Variants in PSMF1 observed in about 807,000 individuals in gnomAD.
PSMF1 encodes the protein proteasome inhibitor subunit 1, also known as proteasome inhibitor PI31 subunit.
In PSMF1, 30 loss-of-function variants were observed where a neutral mutation model predicts 29.3. The ratio of observed to expected loss-of-function variants is 1.02; its 90% CI spans 0.77 to 1.39. The LOEUF is 1.39. Ranked by LOEUF, PSMF1 falls within the 40% of genes most tolerant of loss-of-function variation. The probability of loss-of-function intolerance (pLI) is 0.00; values close to 1 mark genes in which losing one functional copy is unlikely to be tolerated. For synonymous variants in PSMF1, 134 were observed against 139.7 expected, an observed-to-expected ratio of 0.96 and a Z score of 0.29; for missense variants, 344 against 357.5, an observed-to-expected ratio of 0.96 and a Z score of 0.31.
At chr20:1,116,854 G>A (rs1470141182), upstream of PSMF1, among the ~76,000 whole-genome samples, 1 of 152,100 alleles carries the variant, frequency 6.6e-6, no homozygotes, top group Non-Finnish European at 1.5e-5. Flanking sequence ...GCCCTCTGTT[G>A]AGGATGGTAG....
At chr20:1,137,378 T>A (rs2086320408) in intron 4 of PSMF1, among the ~76,000 whole-genome samples, 1 of 152,194 alleles carries the variant, frequency 6.6e-6, no homozygotes, top group South Asian at 2.1e-4. Context: ...ATCTGGCGAG[T>A]AGCATCTGAA....
rs139965836 is a variant in PSMF1, at chr20:1,131,069, C to T, written c.365+3561C>T. ...AAGGGGGAAGTGAGCCAGGCCTGGC[C>T]GGCAGAATGCCGCGCCTCTGGGTGT... On this transcript the variant is annotated intron_variant, in intron 3 of 6. Coordinates refer to ENST00000335877, the MANE Select transcript of PSMF1 (RefSeq NM_006814.5). Among the ~76,000 whole-genome samples the T allele has an allele frequency of 3.5e-3, 534 of 152,298 alleles. 11 individuals carry two copies. The East Asian group carries it at 0.054, about 15-fold the overall frequency.
chr20:1,133,569 A>ATATATATATATTTTTTTTTTTTTTTTTTT, intron 3 of PSMF1, among the ~76,000 whole-genome samples: 1 of 53,288 alleles, frequency 1.9e-5, no homozygotes, highest in Non-Finnish European at 4.6e-5. Flanking sequence ...ATATATATAT[A>ATATATATATATTTTTTTTTTTTTTTTTTT]TTTTTTTTTT....
chr20:1,127,638 C>T, intron 3 of PSMF1, 130 bp downstream of exon 3: 1 of 740,700 alleles, frequency 1.4e-6, no homozygotes. Context: ...CTGGGCACAA[C>T]TTCCTAATTT....
Position 1,164,639 on chromosome 20 carries a change from T to G in PSMF1, c.764+163T>G, listed in dbSNP as rs2086706689. On this transcript the variant is annotated intron_variant, in intron 6 of 6. Coordinates refer to ENST00000335877, the MANE Select transcript of PSMF1 (RefSeq NM_006814.5). This position sits in a 1 kb window ranked among gnomAD's most constrained non-coding sequence, Gnocchi z 4.1. ...TCCAGGGCCCTGCCTGATTTCTCCC[T>G]GGAGCCTTCTAGGAGCTTCCTATCC... 4.0e-6 allele frequency: 2 copies of G among 505,766 alleles called. No individual in the cohort carries two copies. Among genetic ancestry groups the G allele is most frequent in the Non-Finnish European group, 5.1e-6 (2 of 391,646 alleles). 31.3% of individuals were successfully genotyped at this position (505,766 alleles called of 1,614,324 possible).
rs147968241 is a variant in PSMF1 at position 1,132,801 on chromosome 20, T to C, written c.366-2320T>C. Among the ~76,000 whole-genome samples, 787 of 152,288 alleles carry C rather than the reference T, an allele frequency of 5.2e-3. 10 individuals carry two copies. Among genetic ancestry groups the C allele is most frequent in the African/African-American group, 0.018 (744 of 41,556 alleles). On this transcript the variant is annotated intron_variant, in intron 3 of 6. Coordinates refer to ENST00000335877, the MANE Select transcript of PSMF1 (RefSeq NM_006814.5). The stretch of plus-strand genomic sequence containing the variant: ...TCAACATATAGATCCTGTACATAGC[T>C]TGTTATTTGTTTAAAGCAGAAAGGG...
Position 1,166,320 on chromosome 20 carries a change from G to T in PSMF1, c.*1240G>T, listed in dbSNP as rs757197798. ...AGGCTAAGAGGCACGAGATCAAGGC[G>T]GTAGTCACTTCCGCTCTGCAGCTAG... is the stretch of plus-strand genomic sequence containing the variant. On this transcript the variant is annotated 3_prime_UTR_variant, in exon 7 of 7. Transcript: ENST00000335877. 4 of 1,503,902 alleles carry T rather than the reference G, an allele frequency of 2.7e-6. No homozygotes were observed. The South Asian group carries it at 3.5e-5, about 13-fold the overall frequency. 93.2% of individuals were successfully genotyped at this position (1,503,902 alleles called of 1,614,324 possible). A position where few individuals can be genotyped will look rare whatever the true frequency, so the allele number is the denominator to read the frequency against.
chr20:1,169,029 G>C lies in PSMF1; in HGVS notation c.*3949G>C, dbSNP rs2086763430. Reference sequence around the variant, plus strand: ...CAAGGCACAGATACAGGCAGCTGCTGTGTGGCTCTGGAGTTCCTAATCCCC... The same window carrying C: ...CAAGGCACAGATACAGGCAGCTGCTCTGTGGCTCTGGAGTTCCTAATCCCC... On this transcript the variant is annotated 3_prime_UTR_variant, in exon 7 of 7. Transcript: ENST00000335877. Among the ~76,000 whole-genome samples the C allele has an allele frequency of 6.6e-6, 1 of 152,216 alleles. No individual in the cohort carries two copies. The highest frequency in any genetic ancestry group is 2.1e-4 in the South Asian group (1 of 4,830).
At chr20:1,162,139 G>C (rs927577192) in intron 4 of PSMF1, among the ~76,000 whole-genome samples, 18 of 152,168 alleles carry the variant, frequency 1.2e-4, no homozygotes, top group Admixed American at 8.5e-4. Context: ...TGTCATTTCT[G>C]TCTTGCCTGT....
Position 1,165,412 on chromosome 20 carries a change from A to T in PSMF1, c.*332A>T, listed in dbSNP as rs1341524644. The stretch of plus-strand genomic sequence containing the variant: ...CTCGACCAGATGCAGTGCTATAAGA[A>T]CAGAACGCATTTTGGATGTTATTAT... On this transcript the variant is annotated 3_prime_UTR_variant, in exon 7 of 7. Transcript: ENST00000335877. 1 of 1,173,996 alleles carries T rather than the reference A, an allele frequency of 8.5e-7. No homozygotes were observed. The highest frequency in any genetic ancestry group is 1.1e-6 in the Non-Finnish European group (1 of 948,128). The allele number at this position is 1,173,996 out of a possible 1,614,324, so 72.7% of individuals were successfully genotyped here.
At position 1,164,529 on chromosome 20, in the gene PSMF1, C is replaced by G. The variant is rs2086705714; in HGVS notation, c.764+53C>G. On this transcript the variant is annotated intron_variant, in intron 6 of 6. Coordinates refer to ENST00000335877, the MANE Select transcript of PSMF1 (RefSeq NM_006814.5). The surrounding 1 kb of genome is among the most constrained non-coding windows in gnomAD (Gnocchi z 4.1). ...AGTAGGACCTGATGGCAGCTTGGTT[C>G]AGTGTGGCAGCAATGAAGGTTTCTA... 1.9e-6 allele frequency: 3 copies of G among 1,597,718 alleles called. No individual in the cohort carries two copies. The African/African-American group carries it at 4.0e-5, about 21-fold the overall frequency.
intron 2 of PSMF1, among the ~76,000 whole-genome samples, chr20:1,126,324 A>T (rs1271925248): frequency 6.6e-6 from 1 of 152,150 alleles, no homozygotes; most frequent in Non-Finnish European, 1.5e-5. Flanking sequence ...GGGTGTGACC[A>T]TGTAGAAGTA....
At chr20:1,122,394 G>C (rs1290483582) in intron 1 of PSMF1, among the ~76,000 whole-genome samples, 1 of 150,724 alleles carries the variant, frequency 6.6e-6, no homozygotes, top group Admixed American at 6.6e-5. Flanking sequence ...CTGCCTCCTG[G>C]GTTCAGGCAA....
Position 1,163,109 on chromosome 20 carries a change from A to G in PSMF1, c.552-21A>G. On this transcript the variant is annotated intron_variant, in intron 4 of 6. Coordinates refer to ENST00000335877, the MANE Select transcript of PSMF1 (RefSeq NM_006814.5). The surrounding 1 kb of genome is among the most constrained non-coding windows in gnomAD (Gnocchi z 6.1). The stretch of plus-strand genomic sequence containing the variant: ...CCTGGCTGCTCTGGGACTTGCAGTA[A>G]TTGTCTCTTGTTTGTTTCAGGTGTG... 1 of 1,613,646 alleles carries G rather than the reference A, an allele frequency of 6.2e-7. No individual in the cohort carries two copies. The highest frequency in any genetic ancestry group is 8.5e-7 in the Non-Finnish European group (1 of 1,179,840).
At chr20:1,126,325 T>C (rs907334719) in intron 2 of PSMF1, among the ~76,000 whole-genome samples, 30 of 152,354 alleles carry the variant, frequency 2.0e-4, no homozygotes, top group Admixed American at 1.4e-3. Flanking sequence ...GGTGTGACCA[T>C]GTAGAAGTAT....
upstream of PSMF1, among the ~76,000 whole-genome samples, chr20:1,115,258 AACC>A (rs1183778190): frequency 4.6e-3 from 351 of 75,704 alleles, no homozygotes; most frequent in South Asian, 8.6e-3. Context: ...ACTGTATGCA[AACC>A]AGTGTTGAAC....
chr20:1,155,296 C>T (rs1224477948), intron 4 of PSMF1, among the ~76,000 whole-genome samples: 1 of 152,208 alleles, frequency 6.6e-6, no homozygotes, highest in Non-Finnish European at 1.5e-5. Flanking sequence ...TTTCTTTTTC[C>T]TTTTCTCCAT....
At chr20:1,135,386 C>T in intron 4 of PSMF1, 80 bp downstream of exon 4, 1 of 1,400,968 alleles carries the variant, frequency 7.1e-7, no homozygotes, top group Non-Finnish European at 9.7e-7. Flanking sequence ...GCCACTTGAC[C>T]CCATCCCTGG....
chr20:1,142,442 C>G (rs2086395223), intron 4 of PSMF1, among the ~76,000 whole-genome samples: 1 of 151,778 alleles, frequency 6.6e-6, no homozygotes, highest in African/African-American at 2.4e-5. Flanking sequence ...CACAACAGGC[C>G]CCGGTGTGTG....
Sources: gnomAD v4.1 joint callset for allele counts (sites outside exome capture counted in the v4.1 genomes callset) on GRCh38, gnomAD v4.1.1 for gene constraint, Gnocchi (gnomAD v3.1) non-coding constraint, MANE v1.5 for transcripts, NCBI Gene and HGNC (gene_info 2026-07-23, HGNC 2026-07-21) for gene names.